NR6A1: variants seen among roughly 807,000 people sequenced by gnomAD.
NR6A1 encodes retinoic acid receptor-related testis-associated receptor.
In NR6A1, 7 loss-of-function variants were observed where a neutral mutation model predicts 59.1. The observed-to-expected ratio is 0.12, with a 90% confidence interval of 0.07 to 0.22. The LOEUF is 0.22. NR6A1 is among the 10% of genes least tolerant of loss of function. NR6A1 has a pLI of 1.00. For missense variants in NR6A1, 468 were observed against 611.6 expected, an observed-to-expected ratio of 0.77 and a Z score of 2.48; for synonymous variants, 243 against 236.1, an observed-to-expected ratio of 1.03 and a Z score of -0.27.
At chr9:124,753,753 G>C (rs186091165) in intron 1 of NR6A1, among the ~76,000 whole-genome samples, 66 of 152,302 alleles carry the variant, frequency 4.3e-4, no homozygotes, top group African/African-American at 1.5e-3. Flanking sequence ...TTGGGTAGGG[G>C]ATGGGGATGC....
intron 2 of NR6A1, among the ~76,000 whole-genome samples, chr9:124,565,622 T>A (rs1311510691): frequency 1.3e-5 from 2 of 152,114 alleles, no homozygotes; most frequent in Non-Finnish European, 2.9e-5. Flanking sequence ...ATAAAACTCC[T>A]ATATAAGAAT....
chr9:124,543,944 C>T, intron 3 of NR6A1, 87 bp from the exon 4 acceptor site: 1 of 1,067,854 alleles, frequency 9.4e-7, no homozygotes, highest in Non-Finnish European at 1.4e-6. Context: ...TGGCCAAAAG[C>T]ATAAGACAGT....
intron 2 of NR6A1, among the ~76,000 whole-genome samples, chr9:124,642,136 C>T (rs893522604): frequency 6.6e-6 from 1 of 152,138 alleles, no homozygotes; most frequent in African/African-American, 2.4e-5. Context: ...GCAACCTCTG[C>T]CTCCTGGGTT....
chr9:124,634,474 T>A (rs1836541537), intron 2 of NR6A1, among the ~76,000 whole-genome samples: 1 of 152,228 alleles, frequency 6.6e-6, no homozygotes, highest in Non-Finnish European at 1.5e-5. Flanking sequence ...TACTTTTCCA[T>A]CAAAGTTTTC....
At chr9:124,602,912 A>AC (rs1835484161) in intron 2 of NR6A1, among the ~76,000 whole-genome samples, 1 of 152,176 alleles carries the variant, frequency 6.6e-6, no homozygotes, top group Non-Finnish European at 1.5e-5. Context: ...AGCCATGCTG[A>AC]CCCACTTACT....
At chr9:124,680,904 C>T (rs777347251) in intron 2 of NR6A1, among the ~76,000 whole-genome samples, 3 of 152,156 alleles carry the variant, frequency 2.0e-5, no homozygotes, top group Non-Finnish European at 4.4e-5. Context: ...TAAACTGCTG[C>T]CCTTGGCAGT....
At chr9:124,557,022 G>A (rs1300050264) in intron 2 of NR6A1, among the ~76,000 whole-genome samples, 4 of 152,202 alleles carry the variant, frequency 2.6e-5, no homozygotes, top group Non-Finnish European at 2.9e-5. Context: ...CTAGGTTCTT[G>A]AGGACTCTAC....
At chr9:124,608,982 T>A (rs1391289023) in intron 2 of NR6A1, among the ~76,000 whole-genome samples, 1 of 152,102 alleles carries the variant, frequency 6.6e-6, no homozygotes, top group South Asian at 2.1e-4. Flanking sequence ...CCCACTTTTT[T>A]AATGTGTTTT....
chr9:124,524,885 A>G lies in NR6A1; in HGVS notation c.1202-12T>C. ...CAGACCCCTGATATCTGTGGAAAAA[A>G]AAAAAACACACACACACATACAGGG... is the stretch of plus-strand genomic sequence containing the variant. On this transcript the variant is annotated splice_polypyrimidine_tract_variant and intron_variant, in intron 8 of 9. Transcript: ENST00000487099. The G allele has an allele frequency of 6.3e-7, 1 of 1,594,310 alleles. No individual in the cohort carries two copies. Among genetic ancestry groups the G allele is most frequent in the Non-Finnish European group, 8.5e-7 (1 of 1,174,962 alleles).
intron 2 of NR6A1, among the ~76,000 whole-genome samples, chr9:124,582,332 G>C (rs192438411): frequency 6.6e-6 from 1 of 152,090 alleles, no homozygotes; most frequent in Non-Finnish European, 1.5e-5. Flanking sequence ...ACCAAATACC[G>C]CATGTTCCCA....
intron 2 of NR6A1, among the ~76,000 whole-genome samples, chr9:124,689,125 G>T (rs1213748425): frequency 6.6e-6 from 1 of 152,090 alleles, no homozygotes; most frequent in Admixed American, 6.5e-5. Flanking sequence ...AGCATATATG[G>T]CCTGGAAGCC....
chr9:124,698,832 G>A (rs1838847961), intron 2 of NR6A1, among the ~76,000 whole-genome samples: 1 of 152,002 alleles, frequency 6.6e-6, no homozygotes, highest in Non-Finnish European at 1.5e-5. Flanking sequence ...GGCTATACTT[G>A]CCACAGAACC....
At chr9:124,573,532 C>A (rs972352296) in intron 2 of NR6A1, among the ~76,000 whole-genome samples, 11 of 152,354 alleles carry the variant, frequency 7.2e-5, no homozygotes, top group Admixed American at 6.5e-4. Flanking sequence ...CTTTCTCTTT[C>A]ATGCAGTAAC....
intron 1 of NR6A1, among the ~76,000 whole-genome samples, chr9:124,748,167 CCTTG>C (rs1423230881): frequency 6.6e-6 from 1 of 152,124 alleles, no homozygotes; most frequent in Non-Finnish European, 1.5e-5. Context: ...AGGCAAGATG[CCTTG>C]CTTCAGTATT....
rs1411345990 is a variant in NR6A1, at chr9:124,522,263, T to G, written c.*442A>C. ...CTGACAGACAAATGTATGAGTCTGC[T>G]GAGAAAATGTGGAAAAAGTAGGGAT... is the stretch of plus-strand genomic sequence containing the variant. On this transcript the variant is annotated 3_prime_UTR_variant, in exon 10 of 10. Coordinates refer to ENST00000487099, the MANE Select transcript of NR6A1 (RefSeq NM_033334.4). 6.4e-6 allele frequency: 1 copy of G among 156,636 alleles called. No individual in the cohort carries two copies. Among genetic ancestry groups the G allele is most frequent in the Admixed American group, 6.2e-5 (1 of 16,128 alleles). The allele number at this position is 156,636 out of a possible 1,614,324, so 9.7% of individuals were successfully genotyped here.
chr9:124,665,770 T>C (rs1293426139), intron 2 of NR6A1, among the ~76,000 whole-genome samples: 1 of 152,210 alleles, frequency 6.6e-6, no homozygotes, highest in Non-Finnish European at 1.5e-5. Flanking sequence ...ATTTGAGACA[T>C]GGACGATAAC....
chr9:124,700,020 C>CA (rs1554746611), intron 2 of NR6A1, among the ~76,000 whole-genome samples: 6 of 151,010 alleles, frequency 4.0e-5, no homozygotes, highest in Non-Finnish European at 7.4e-5. Context: ...CCACACCCGC[C>CA]TTTTTTTTTA....
At chr9:124,742,875 C>G (rs139892918) in intron 1 of NR6A1, among the ~76,000 whole-genome samples, 1 of 152,074 alleles carries the variant, frequency 6.6e-6, no homozygotes, top group East Asian at 1.9e-4. Context: ...GACTCTGTCT[C>G]AAAAATAAAA....
At chr9:124,616,399 T>C (rs1273404169) in intron 2 of NR6A1, among the ~76,000 whole-genome samples, 2 of 114,316 alleles carry the variant, frequency 1.7e-5, no homozygotes, top group South Asian at 2.7e-4. Flanking sequence ...CGGGACTCCA[T>C]CTCAAAAAAA....
Sources: allele counts gnomAD v4.1 joint callset (sites outside exome capture counted in the v4.1 genomes callset), GRCh38; gene constraint gnomAD v4.1.1; transcripts MANE v1.5; gene names NCBI Gene and HGNC (gene_info 2026-07-23, HGNC 2026-07-21).